The following GRIK1 variants were observed in gnomAD, a reference collection of about 807,000 sequenced individuals.
GRIK1 encodes the protein glutamate ionotropic receptor kainate type subunit 1.
Under a neutral mutation model 105.7 loss-of-function variants are expected in GRIK1, and 69 were observed. The observed-to-expected ratio is 0.65, with a 90% confidence interval of 0.54 to 0.80. The LOEUF (loss-of-function observed/expected upper bound fraction) is 0.80, where lower values mean the gene tolerates loss of function less well. Among genes scored for constraint, GRIK1 ranks in the 30% least tolerant of loss-of-function variants. The pLI, the probability that GRIK1 is intolerant of heterozygous loss-of-function variation, is 0.00. For synonymous variants in GRIK1, 438 were observed against 431.3 expected (o/e 1.02, Z -0.19); for missense variants, 1,109 against 1,167.3 (o/e 0.95, Z 0.73).
chr21:29,851,619 C>T (rs1264429787), intron 1 of GRIK1, among the ~76,000 whole-genome samples: 1 of 152,176 alleles, frequency 6.6e-6, no homozygotes, highest in Admixed American at 6.5e-5. Context: ...TGTGTGATCA[C>T]AGTTCCTCTT....
At chr21:29,769,672 G>A (rs2065765154) in intron 1 of GRIK1, among the ~76,000 whole-genome samples, 1 of 152,004 alleles carries the variant, frequency 6.6e-6, no homozygotes, top group East Asian at 1.9e-4. Context: ...TTCCTAACAG[G>A]CCATGGACCG....
intron 14 of GRIK1, among the ~76,000 whole-genome samples, chr21:29,576,684 G>C (rs1280234738): frequency 6.6e-6 from 1 of 151,766 alleles, no homozygotes; most frequent in Non-Finnish European, 1.5e-5. Flanking sequence ...CTGGTGTAAA[G>C]GCAAGAGAGG....
chr21:29,926,440 A>C (rs1267781169), intron 1 of GRIK1, among the ~76,000 whole-genome samples: 1 of 152,216 alleles, frequency 6.6e-6, no homozygotes, highest in Non-Finnish European at 1.5e-5. Flanking sequence ...GTATGAGAAA[A>C]ACAAAGTTGC....
At chr21:29,855,808 TG>T (rs1601863418) in intron 1 of GRIK1, among the ~76,000 whole-genome samples, 2 of 152,018 alleles carry the variant, frequency 1.3e-5, no homozygotes, top group East Asian at 3.9e-4. Context: ...ATTAACTGAT[TG>T]GTGATGTTTT....
intron 1 of GRIK1, among the ~76,000 whole-genome samples, chr21:29,871,360 A>G (rs1221299210): frequency 1.3e-5 from 2 of 152,122 alleles, no homozygotes; most frequent in African/African-American, 2.4e-5. Flanking sequence ...TCTTACACAA[A>G]CCCAACGAAT....
intron 6 of GRIK1, among the ~76,000 whole-genome samples, chr21:29,645,653 A>G (rs902717816): frequency 3.9e-5 from 6 of 152,180 alleles, no homozygotes; most frequent in African/African-American, 1.4e-4. Context: ...ATATTATAGC[A>G]CTAATAAACT....
chr21:29,826,314 T>A (rs1419599494), intron 1 of GRIK1, among the ~76,000 whole-genome samples: 4 of 152,106 alleles, frequency 2.6e-5, no homozygotes, highest in Non-Finnish European at 4.4e-5. Context: ...GTTACTTTTA[T>A]GTGTCAACTG....
intron 1 of GRIK1, among the ~76,000 whole-genome samples, chr21:29,797,848 C>T (rs456889): frequency 0.98 from 148,568 of 152,272 alleles, 72,570 homozygotes; most frequent in East Asian, 1. Flanking sequence ...AGGTTTCCTC[C>T]TGCAATGCCC....
chr21:29,686,942 T>G (rs991328508), intron 3 of GRIK1, among the ~76,000 whole-genome samples: 1 of 152,112 alleles, frequency 6.6e-6, no homozygotes, highest in African/African-American at 2.4e-5. Flanking sequence ...CAATTTCTCA[T>G]TGCCTGGGGT....
intron 1 of GRIK1, among the ~76,000 whole-genome samples, chr21:29,795,028 ATTTTTTTT>A (rs66697777): frequency 1.2e-5 from 1 of 85,220 alleles, no homozygotes; most frequent in Admixed American, 1.7e-4. Flanking sequence ...TTTGCTCTAA[ATTTTTTTT>A]TTTTTTTTTT....
Position 29,601,065 on chromosome 21 carries a change from GGT to G in GRIK1, c.1099-2130_1099-2129del, listed in dbSNP as rs1358756530. Among the ~76,000 whole-genome samples the G allele has an allele frequency of 2.6e-5, 4 of 152,134 alleles. No homozygotes were observed. In the East Asian group the frequency reaches 7.7e-4, roughly 29 times the overall value. ...AATATCTAGTCAAACATTATTTCTG[GGT>G]GTGTCTGTGAGGGTGTTTCCAAAAA... On this transcript the variant is annotated intron_variant, in intron 7 of 17. Transcript: ENST00000327783.
chr21:29,669,322 G>A (rs972558048), intron 4 of GRIK1, among the ~76,000 whole-genome samples: 2 of 152,174 alleles, frequency 1.3e-5, no homozygotes, highest in African/African-American at 4.8e-5. Flanking sequence ...AAGGTGCAGG[G>A]AAATGCAGGA....
intron 1 of GRIK1, among the ~76,000 whole-genome samples, chr21:29,929,922 C>T (rs1029109761): frequency 2.0e-5 from 3 of 152,126 alleles, no homozygotes; most frequent in African/African-American, 4.8e-5. Flanking sequence ...CCTAAGTGTC[C>T]ATCAGCGGAT....
intron 1 of GRIK1, among the ~76,000 whole-genome samples, chr21:29,702,447 G>A (rs1177441019): frequency 6.6e-6 from 1 of 152,076 alleles, no homozygotes. Flanking sequence ...GAGACTGAAT[G>A]GCATCACCCA....
Position 29,937,754 on chromosome 21 carries a change from T to C in GRIK1, c.118+1629A>G, listed in dbSNP as rs753309533. Among the ~76,000 whole-genome samples, 98 of 151,966 alleles carry C rather than the reference T, an allele frequency of 6.4e-4. 1 individual carries two copies. The highest frequency in any genetic ancestry group is 9.8e-4 in the Admixed American group (15 of 15,244). The stretch of plus-strand genomic sequence containing the variant: ...CAATTAAGTTAATAAGTATTGGAAA[T>C]TATAACACACACGCTCATTAGTTAC... On this transcript the variant is annotated intron_variant, in intron 1 of 17. Coordinates refer to ENST00000327783, the MANE Select transcript of GRIK1 (RefSeq NM_001330994.2).
chr21:29,768,662 C>T (rs769724839), intron 1 of GRIK1, among the ~76,000 whole-genome samples: 1 of 152,190 alleles, frequency 6.6e-6, no homozygotes, highest in Non-Finnish European at 1.5e-5. Context: ...CCACCTGAAC[C>T]CCATGCTGCA....
intron 1 of GRIK1, among the ~76,000 whole-genome samples, chr21:29,854,817 T>A (rs1333065008): frequency 6.6e-6 from 1 of 152,042 alleles, no homozygotes. Context: ...TCTTCCTTGA[T>A]CAAAGTTAAA....
chr21:29,603,212 A>G (rs1313431176), intron 7 of GRIK1, among the ~76,000 whole-genome samples: 1 of 152,096 alleles, frequency 6.6e-6, no homozygotes, highest in Admixed American at 6.6e-5. Flanking sequence ...ACAAAAGGAT[A>G]CTTTACCACT....
intron 1 of GRIK1, among the ~76,000 whole-genome samples, chr21:29,911,025 A>G (rs1410121057): frequency 2.0e-5 from 3 of 152,134 alleles, no homozygotes; most frequent in Non-Finnish European, 4.4e-5. Flanking sequence ...CAATAATAAC[A>G]ATAACAACAG....
Sources: gnomAD v4.1 joint callset for allele counts (sites outside exome capture counted in the v4.1 genomes callset) on GRCh38, gnomAD v4.1.1 for gene constraint, MANE v1.5 for transcripts, NCBI Gene and HGNC (gene_info 2026-07-23, HGNC 2026-07-21) for gene names.